CNTN5: variants seen among roughly 807,000 people sequenced by gnomAD.
The protein encoded by CNTN5 is contactin 5.
Under a neutral mutation model 129.1 loss-of-function variants are expected in CNTN5, and 77 were observed. The ratio of observed to expected loss-of-function variants is 0.60; its 90% CI spans 0.50 to 0.72. The LOEUF is 0.72. CNTN5 is among the 30% of genes least tolerant of loss of function. The pLI is 0.00. For missense variants in CNTN5, 1,478 were observed against 1,328.8 expected, an observed-to-expected ratio of 1.11 and a Z score of -1.75; for synonymous variants, 509 against 465.6, an observed-to-expected ratio of 1.09 and a Z score of -1.20.
At chr11:99,967,242 T>C (rs183780350) in intron 8 of CNTN5, among the ~76,000 whole-genome samples, 31 of 152,324 alleles carry the variant, frequency 2.0e-4, no homozygotes, top group African/African-American at 6.0e-4. Flanking sequence ...TTGACCATAT[T>C]ACCAAAGCAG....
At chr11:100,109,075 A>T (rs1480838983) in intron 13 of CNTN5, among the ~76,000 whole-genome samples, 1 of 152,138 alleles carries the variant, frequency 6.6e-6, no homozygotes, top group East Asian at 1.9e-4. Context: ...GTCATCACTA[A>T]AGGAAAGCAA....
chr11:100,052,608 A>G (rs1221560390), intron 9 of CNTN5, among the ~76,000 whole-genome samples: 1 of 151,888 alleles, frequency 6.6e-6, no homozygotes, highest in South Asian at 2.1e-4. Flanking sequence ...ACAAGACTCA[A>G]TAGTGTTCAG....
intron 9 of CNTN5, among the ~76,000 whole-genome samples, chr11:100,037,905 T>A (rs1179987670): frequency 6.6e-6 from 1 of 152,132 alleles, no homozygotes; most frequent in Admixed American, 6.5e-5. Context: ...TTTGTTGATC[T>A]TTTCAAAAAA....
chr11:99,483,811 G>A (rs753540741), intron 2 of CNTN5, among the ~76,000 whole-genome samples: 4 of 152,126 alleles, frequency 2.6e-5, no homozygotes, highest in Non-Finnish European at 5.9e-5. Context: ...ACTGGGCTAA[G>A]CACAGTCTCT....
chr11:100,140,080 TC>T (rs1381731106), intron 13 of CNTN5, among the ~76,000 whole-genome samples: 1 of 152,120 alleles, frequency 6.6e-6, no homozygotes, highest in Non-Finnish European at 1.5e-5. Context: ...AACAAGGGCA[TC>T]CCTTAACAGT....
intron 3 of CNTN5, among the ~76,000 whole-genome samples, chr11:99,779,983 T>C (rs1007290946): frequency 6.6e-6 from 1 of 151,964 alleles, no homozygotes; most frequent in Non-Finnish European, 1.5e-5. Context: ...ACACTCAAAT[T>C]GTCCATAGTT....
intron 16 of CNTN5, among the ~76,000 whole-genome samples, chr11:100,243,370 A>T (rs1252678253): frequency 2.0e-5 from 3 of 152,164 alleles, no homozygotes; most frequent in Non-Finnish European, 4.4e-5. Flanking sequence ...AAGACCTTAA[A>T]ATCTTGCCCA....
At chr11:99,303,962 T>G (rs1864758449) in intron 1 of CNTN5, among the ~76,000 whole-genome samples, 1 of 152,142 alleles carries the variant, frequency 6.6e-6, no homozygotes, top group Admixed American at 6.6e-5. Context: ...CAGCATGGCC[T>G]TCATCTGGGG....
chr11:100,238,408 CAA>C (rs201855934), intron 16 of CNTN5, among the ~76,000 whole-genome samples: 62 of 71,310 alleles, frequency 8.7e-4, no homozygotes, highest in South Asian at 6.3e-3. Flanking sequence ...CCTCACTTGT[CAA>C]AAAAAAAAAA....
intron 7 of CNTN5, among the ~76,000 whole-genome samples, chr11:99,953,172 A>G (rs1360261176): frequency 1.3e-5 from 2 of 152,072 alleles, no homozygotes; most frequent in African/African-American, 2.4e-5. Context: ...TTTTTTGTTA[A>G]TGGCACTGCA....
At chr11:99,889,315 T>G (rs1427319675) in intron 6 of CNTN5, among the ~76,000 whole-genome samples, 3 of 123,152 alleles carry the variant, frequency 2.4e-5, no homozygotes, top group African/African-American at 8.5e-5. Context: ...TGTGTGTGTG[T>G]GTGTGTGTGT....
At chr11:99,348,694 C>T (rs530413159) in intron 2 of CNTN5, among the ~76,000 whole-genome samples, 1 of 152,250 alleles carries the variant, frequency 6.6e-6, no homozygotes, top group Non-Finnish European at 1.5e-5. Context: ...TCTTAAGTTT[C>T]TTAATTTTCC....
intron 4 of CNTN5, among the ~76,000 whole-genome samples, chr11:99,821,202 C>T (rs1433585477): frequency 6.6e-6 from 1 of 152,078 alleles, no homozygotes; most frequent in African/African-American, 2.4e-5. Flanking sequence ...AATTTTCAGC[C>T]AACTAGTGTT....
At chr11:100,237,720 T>A (rs1455576204) in intron 16 of CNTN5, among the ~76,000 whole-genome samples, 1 of 152,222 alleles carries the variant, frequency 6.6e-6, no homozygotes, top group Non-Finnish European at 1.5e-5. Flanking sequence ...GTTAAAAATC[T>A]TTTAAATAAA....
At chr11:99,616,010 A>G (rs1950749413) in intron 3 of CNTN5, among the ~76,000 whole-genome samples, 2 of 152,130 alleles carry the variant, frequency 1.3e-5, no homozygotes, top group African/African-American at 4.8e-5. Context: ...TGTTGGGATT[A>G]CATGTGTAAG....
intron 1 of CNTN5, among the ~76,000 whole-genome samples, chr11:99,312,888 T>C (rs1865174616): frequency 6.6e-6 from 1 of 151,964 alleles, no homozygotes; most frequent in African/African-American, 2.4e-5. Flanking sequence ...TAATTGCTGG[T>C]CTTCTATTAA....
chr11:99,127,395 A>G (rs1858694281), intron 1 of CNTN5, among the ~76,000 whole-genome samples: 1 of 152,118 alleles, frequency 6.6e-6, no homozygotes, highest in Admixed American at 6.6e-5. Context: ...TCAGTCTAAT[A>G]TTATCTTCTC....
chr11:100,219,976 G>A (rs1481368208), intron 15 of CNTN5, among the ~76,000 whole-genome samples: 1 of 151,926 alleles, frequency 6.6e-6, no homozygotes, highest in Admixed American at 6.6e-5. Flanking sequence ...ATCATAGTAG[G>A]GTACTTTAAA....
chr11:99,414,232 T>C lies in CNTN5; in HGVS notation c.-71+88748T>C, dbSNP rs111746644. 1.9e-3 allele frequency among the ~76,000 whole-genome samples: 284 copies of C among 152,304 alleles called. 5 individuals carry two copies. The highest frequency in any genetic ancestry group is 6.5e-3 in the African/African-American group (270 of 41,572). On this transcript the variant is annotated intron_variant, in intron 2 of 24. Transcript: ENST00000524871. ...CTGAGAAAATAACAAAAATATACAT[T>C]TCCATATTGCAATATTGATATCACT...
Sources: gnomAD v4.1 joint callset for allele counts (sites outside exome capture counted in the v4.1 genomes callset) on GRCh38, gnomAD v4.1.1 for gene constraint, MANE v1.5 for transcripts, NCBI Gene and HGNC (gene_info 2026-07-23, HGNC 2026-07-21) for gene names.